The following OR51B5 variants were observed in gnomAD, a reference collection of about 807,000 sequenced individuals.
OR51B5 encodes the protein olfactory receptor family 51 subfamily B member 5, also known as olfactory receptor 51B5.
For synonymous variants in OR51B5, 186 were observed against 144.8 expected (o/e 1.28, Z -2.04); for missense variants, 456 against 374.6 (o/e 1.22, Z -1.79).
chr11:5,403,623 T>C (rs1290299014), intron 1 of OR51B5: 3 of 406,580 alleles, frequency 7.4e-6, no homozygotes, highest in East Asian at 1.4e-4. Context: ...CTAGATTGCA[T>C]GTTATGCGAT....
intron 1 of OR51B5, among the ~76,000 whole-genome samples, chr11:5,456,844 T>C (rs890479797): frequency 3.3e-5 from 5 of 152,200 alleles, no homozygotes; most frequent in Admixed American, 3.3e-4. Flanking sequence ...AACCATCTTC[T>C]TGATGTTGTT....
chr11:5,348,724 G>A (rs550958462), intron 1 of OR51B5, among the ~76,000 whole-genome samples: 1 of 152,020 alleles, frequency 6.6e-6, no homozygotes, highest in Admixed American at 6.6e-5. Context: ...CCAGACGGAG[G>A]GTGGGTGGGT....
intron 1 of OR51B5, among the ~76,000 whole-genome samples, chr11:5,372,131 T>C (rs1324251323): frequency 6.6e-6 from 1 of 152,192 alleles, no homozygotes; most frequent in African/African-American, 2.4e-5. Context: ...CAATATCATA[T>C]ACAGACCTGT....
At chr11:5,464,569 G>A (rs1011891554) in intron 1 of OR51B5, among the ~76,000 whole-genome samples, 2 of 151,748 alleles carry the variant, frequency 1.3e-5, no homozygotes, top group African/African-American at 4.8e-5. Flanking sequence ...AGTTTACTGA[G>A]AATGATGATT....
At chr11:5,411,868 T>C (rs1209665945) in intron 1 of OR51B5, among the ~76,000 whole-genome samples, 2 of 152,260 alleles carry the variant, frequency 1.3e-5, no homozygotes, top group South Asian at 2.1e-4. Flanking sequence ...TGACTAAAAA[T>C]CCAGGAATGT....
chr11:5,395,756 G>C (rs1267149292), intron 1 of OR51B5, among the ~76,000 whole-genome samples: 1 of 152,140 alleles, frequency 6.6e-6, no homozygotes, highest in Admixed American at 6.5e-5. Context: ...CAGTAACTTT[G>C]CCAAAGCCAT....
intron 1 of OR51B5, among the ~76,000 whole-genome samples, chr11:5,473,572 C>T (rs16931487): frequency 0.11 from 16,131 of 152,160 alleles, 903 homozygotes; most frequent in Middle Eastern, 0.17. Flanking sequence ...TGTGATTCTG[C>T]TAGGTTTTTT....
intron 1 of OR51B5, among the ~76,000 whole-genome samples, chr11:5,414,590 C>A (rs924665186): frequency 1.9e-3 from 274 of 143,934 alleles, no homozygotes; most frequent in African/African-American, 6.6e-3. Flanking sequence ...GGAGGAAGAT[C>A]TACCAAGCAA....
intron 1 of OR51B5, among the ~76,000 whole-genome samples, chr11:5,362,423 C>T (rs1314750083): frequency 6.6e-6 from 1 of 152,132 alleles, no homozygotes; most frequent in Non-Finnish European, 1.5e-5. Flanking sequence ...AAATTGTGAA[C>T]ATTAGTTGTT....
chr11:5,428,488 T>A (rs1467566325), intron 1 of OR51B5, among the ~76,000 whole-genome samples: 1 of 152,208 alleles, frequency 6.6e-6, no homozygotes, highest in African/African-American at 2.4e-5. Flanking sequence ...ACCTTCAATT[T>A]GTAAAAAATG....
intron 1 of OR51B5, chr11:5,422,077 C>T: frequency 2.6e-6 from 2 of 783,706 alleles, no homozygotes; most frequent in Non-Finnish European, 2.0e-6. Context: ...CTTTAGTTAC[C>T]CTCAACAACT....
intron 1 of OR51B5, among the ~76,000 whole-genome samples, chr11:5,492,723 G>C (rs1590028299): frequency 6.6e-6 from 1 of 152,144 alleles, no homozygotes; most frequent in Non-Finnish European, 1.5e-5. Context: ...TGCAACCTCT[G>C]CCTCCCAGGT....
chr11:5,463,623 CT>C (rs1851091579), intron 1 of OR51B5, among the ~76,000 whole-genome samples: 1 of 152,116 alleles, frequency 6.6e-6, no homozygotes, highest in Non-Finnish European at 1.5e-5. Context: ...TTCCTCCCAG[CT>C]TTGTTTAGGT....
intron 1 of OR51B5, among the ~76,000 whole-genome samples, chr11:5,372,579 G>C (rs900145026): frequency 6.6e-6 from 1 of 152,156 alleles, no homozygotes; most frequent in African/African-American, 2.4e-5. Flanking sequence ...TGTATATTCA[G>C]ATCCTTTGCC....
intron 1 of OR51B5, among the ~76,000 whole-genome samples, chr11:5,361,859 C>T (rs1033487234): frequency 5.3e-5 from 8 of 152,120 alleles, no homozygotes; most frequent in Admixed American, 1.3e-4. Context: ...TTGCTCTCTT[C>T]GGGCTGCATA....
At chr11:5,428,074 A>T (rs539265130) in intron 1 of OR51B5, among the ~76,000 whole-genome samples, 3 of 151,918 alleles carry the variant, frequency 2.0e-5, no homozygotes, top group Admixed American at 2.0e-4. Context: ...TTTCTTGGAT[A>T]TTTAAAGATG....
chr11:5,396,233 G>A (rs1300817194), intron 1 of OR51B5, among the ~76,000 whole-genome samples: 1 of 152,200 alleles, frequency 6.6e-6, no homozygotes, highest in African/African-American at 2.4e-5. Flanking sequence ...AATCGGGCAG[G>A]AGAAGGAAAT....
chr11:5,441,796 T>C (rs769458934), intron 1 of OR51B5, among the ~76,000 whole-genome samples: 4 of 152,068 alleles, frequency 2.6e-5, no homozygotes, highest in African/African-American at 9.7e-5. Context: ...GGAGACAACA[T>C]TAACAATTGC....
intron 1 of OR51B5, among the ~76,000 whole-genome samples, chr11:5,408,536 C>T (rs1850096815): frequency 6.6e-6 from 1 of 152,114 alleles, no homozygotes; most frequent in Non-Finnish European, 1.5e-5. Flanking sequence ...TTCATGACAT[C>T]CAATTGGTGG....
Sources: gnomAD v4.1 joint callset for allele counts (sites outside exome capture counted in the v4.1 genomes callset) on GRCh38, gnomAD v4.1.1 for gene constraint, MANE v1.5 for transcripts, NCBI Gene and HGNC (gene_info 2026-07-23, HGNC 2026-07-21) for gene names.